Variants in CNNM4 observed in about 807,000 individuals in gnomAD.
CNNM4 encodes the protein metal transporter CNNM4.
A neutral mutation model predicts 53.7 loss-of-function variants in CNNM4; 32 were observed. The observed-to-expected ratio is 0.60, with a 90% CI of 0.45 to 0.80. The LOEUF (loss-of-function observed/expected upper bound fraction) is 0.80, where lower values mean the gene tolerates loss of function less well. Ranked by LOEUF, CNNM4 falls within the 30% of genes least tolerant of loss-of-function variation. The pLI is 0.00. For missense variants in CNNM4, 784 were observed against 1,022.0 expected (o/e 0.77, Z 3.17); for synonymous variants, 410 against 440.0 (o/e 0.93, Z 0.85).
Position 96,797,676 on chromosome 2 carries a change from G to A in CNNM4, c.1681+29G>A, listed in dbSNP as rs1019151584. The A allele has an allele frequency of 6.2e-6, 10 of 1,612,642 alleles. No individual in the cohort carries two copies. In the Admixed American group the frequency reaches 1.2e-4, roughly 19 times the overall value. Reference sequence around the variant, plus strand: ...GCATGAGGAGGACCTTCCGGTCTTGGTGGAAATACGGTCACGGGGGAGAAG... The same window carrying A: ...GCATGAGGAGGACCTTCCGGTCTTGATGGAAATACGGTCACGGGGGAGAAG... On this transcript the variant is annotated intron_variant, in intron 3 of 6. Transcript: ENST00000377075. The surrounding 1 kb of genome is among the most constrained non-coding windows in gnomAD (Gnocchi z 6.0).
intron 1 of CNNM4, among the ~76,000 whole-genome samples, chr2:96,772,723 A>T (rs1263677642): frequency 1.1e-5 from 1 of 95,140 alleles, no homozygotes; most frequent in African/African-American, 4.3e-5. Flanking sequence ...TCACACACAC[A>T]TGCGTGCACA....
chr2:96,761,472 G>A lies in CNNM4; in HGVS notation c.473G>A (p.Gly158Glu). Reference sequence around the variant, plus strand: ...CTGTGCACCCGGGCCCAGCCCGACGGGCCCTGGCTGAAGTGGACGGACAAG... The same window carrying A: ...CTGTGCACCCGGGCCCAGCCCGACGAGCCCTGGCTGAAGTGGACGGACAAG... ...YALCTRAQPD[G>E]PWLKWTDKDS... Residue 158 changes from glycine (G) to glutamate (E), a missense_variant, in exon 1 of 7, where the codon GGG (glycine) becomes GAG (glutamate). Coordinates refer to ENST00000377075, the MANE Select transcript of CNNM4 (RefSeq NM_020184.4). This position sits in a 1 kb window ranked among gnomAD's most constrained non-coding sequence, Gnocchi z 6.0. 6.2e-7 allele frequency: 1 copy of A among 1,614,130 alleles called. No individual in the cohort carries two copies. The highest frequency in any genetic ancestry group is 8.5e-7 in the Non-Finnish European group (1 of 1,180,018).
At chr2:96,806,533 A>ACACACACG (rs1553479683) in intron 5 of CNNM4, among the ~76,000 whole-genome samples, 6 of 138,514 alleles carry the variant, frequency 4.3e-5, no homozygotes, top group Non-Finnish European at 6.4e-5. Context: ...ACACACACAC[A>ACACACACG]CACGCGCGCG....
At position 96,799,220 on chromosome 2, in the gene CNNM4, C is replaced by T; in HGVS notation, c.1845C>T (p.Ile615=). The change falls in exon 4 of 7, where the codon ATC becomes ATT. Residue 615 remains isoleucine (I), a synonymous_variant. Transcript: ENST00000377075. The part of the protein sequence containing the change: ...RNKPADYFIL[I]LQGKVEVEAG... ...AGCCGGCCGACTACTTCATCCTCAT[C>T]CTGCAGGTGAGCCCGCTCAGCCCTG... 6.2e-7 allele frequency: 1 copy of T among 1,614,206 alleles called. No individual in the cohort carries two copies. Among genetic ancestry groups the T allele is most frequent in the South Asian group, 1.1e-5 (1 of 91,088 alleles).
intron 5 of CNNM4, among the ~76,000 whole-genome samples, chr2:96,804,440 C>T (rs932203493): frequency 2.0e-5 from 3 of 150,734 alleles, no homozygotes; most frequent in Non-Finnish European, 3.0e-5. Flanking sequence ...TTGACCCTGT[C>T]GCCCAGGCTG....
At chr2:96,779,508 CAAA>C (rs1178143077) in intron 1 of CNNM4, among the ~76,000 whole-genome samples, 5 of 62,050 alleles carry the variant, frequency 8.1e-5, no homozygotes, top group Admixed American at 2.0e-4. Context: ...GACCTCGTCT[CAAA>C]AAAAAAAAAA....
intron 5 of CNNM4, among the ~76,000 whole-genome samples, chr2:96,807,730 G>T (rs1203088936): frequency 6.6e-6 from 1 of 152,040 alleles, no homozygotes; most frequent in Non-Finnish European, 1.5e-5. Flanking sequence ...GTAAGACTCT[G>T]TCTCCAAAGA....
intron 5 of CNNM4, among the ~76,000 whole-genome samples, chr2:96,804,929 G>A (rs2079188504): frequency 1.3e-5 from 2 of 152,034 alleles, no homozygotes; most frequent in African/African-American, 4.8e-5. Context: ...GGCTGAGGCA[G>A]GAGGATCGCT....
chr2:96,785,959 C>T (rs555318559), intron 1 of CNNM4, among the ~76,000 whole-genome samples: 39 of 151,238 alleles, frequency 2.6e-4, no homozygotes, highest in African/African-American at 8.7e-4. Context: ...TGGTGGCGGG[C>T]GCCTATAGTC....
chr2:96,806,091 A>G (rs1231851630), intron 5 of CNNM4, among the ~76,000 whole-genome samples: 3 of 134,980 alleles, frequency 2.2e-5, no homozygotes, highest in South Asian at 2.2e-4. Context: ...ACCCCCCCCA[A>G]CCTCCCTCCC....
Position 96,761,565 on chromosome 2 carries a change from T to C in CNNM4, c.566T>C (p.Ile189Thr). Residue 189 changes from isoleucine to threonine, a missense_variant, in exon 1 of 7, where the codon ATT becomes ACT. Coordinates refer to ENST00000377075, the MANE Select transcript of CNNM4 (RefSeq NM_020184.4). The surrounding 1 kb of genome is among the most constrained non-coding windows in gnomAD (Gnocchi z 6.0). Reference sequence around the variant, plus strand: ...CCTCTCTGGCTGCACATTCTCCTAATTACGGTGCTGCTGGTGCTGTCGGGC... The same window carrying C: ...CCTCTCTGGCTGCACATTCTCCTAACTACGGTGCTGCTGGTGCTGTCGGGC... ...FLPLWLHILL[I>T]TVLLVLSGIF... The C allele has an allele frequency of 6.2e-7, 1 of 1,613,986 alleles. No homozygotes were observed. Among genetic ancestry groups the C allele is most frequent in the Non-Finnish European group, 8.5e-7 (1 of 1,179,946 alleles).
chr2:96,811,830 T>C lies in CNNM4; in HGVS notation c.*2313T>C, dbSNP rs1239083564. On this transcript the variant is annotated 3_prime_UTR_variant, in exon 7 of 7. Transcript: ENST00000377075. Reference sequence around the variant, plus strand: ...ACAATGATATTTGCTAAACGATATATGGAATTTATTTTTGATTGGTAATAA... The same window carrying C: ...ACAATGATATTTGCTAAACGATATACGGAATTTATTTTTGATTGGTAATAA... The C allele has an allele frequency of 6.5e-6, 1 of 152,790 alleles. No individual in the cohort carries two copies. The highest frequency in any genetic ancestry group is 1.5e-5 in the Non-Finnish European group (1 of 68,034). The allele number at this position is 152,790 out of a possible 1,614,324, so 9.5% of individuals were successfully genotyped here.
At position 96,761,644 on chromosome 2, in the gene CNNM4, C is replaced by G. The variant is rs2078764502; in HGVS notation, c.645C>G (p.Arg215=). The part of the protein sequence containing the change: ...GLMALDPMEL[R]IVQNCGTEKE... ...TGGCCCTGGACCCCATGGAGCTGCG[C>G]ATCGTGCAGAACTGTGGCACCGAGA... The change falls in exon 1 of 7, where the codon CGC becomes CGG. Residue 215 remains arginine (R), a synonymous_variant. Transcript: ENST00000377075. This position sits in a 1 kb window ranked among gnomAD's most constrained non-coding sequence, Gnocchi z 6.0. 1.2e-6 allele frequency: 2 copies of G among 1,613,432 alleles called. No individual in the cohort carries two copies. Among genetic ancestry groups the G allele is most frequent in the Non-Finnish European group, 1.7e-6 (2 of 1,180,026 alleles).
intron 1 of CNNM4, among the ~76,000 whole-genome samples, chr2:96,792,423 T>C (rs1038733424): frequency 1.3e-5 from 2 of 152,128 alleles, no homozygotes; most frequent in Non-Finnish European, 2.9e-5. Flanking sequence ...ATTCTTTCCA[T>C]CTTCGGCCTC....
chr2:96,768,692 G>A (rs766803643), intron 1 of CNNM4, among the ~76,000 whole-genome samples: 12 of 152,332 alleles, frequency 7.9e-5, no homozygotes, highest in African/African-American at 1.4e-4. Context: ...GGTGTGACCC[G>A]TTGCTGAGCT....
chr2:96,800,097 G>A lies in CNNM4; in HGVS notation c.1948+449G>A, dbSNP rs559624741. Reference sequence around the variant, plus strand: ...ATGGGTTTGGCTTTTCGGAGGACGCGGCTACTGGGTTTTGGTTAGAGGTCA... The same window carrying A: ...ATGGGTTTGGCTTTTCGGAGGACGCAGCTACTGGGTTTTGGTTAGAGGTCA... On this transcript the variant is annotated intron_variant, in intron 5 of 6. Coordinates refer to ENST00000377075, the MANE Select transcript of CNNM4 (RefSeq NM_020184.4). The surrounding 1 kb of genome is among the most constrained non-coding windows in gnomAD (Gnocchi z 4.6). Among the ~76,000 whole-genome samples the A allele has an allele frequency of 1.8e-4, 27 of 152,296 alleles. No homozygotes were observed. In the South Asian group the frequency reaches 5.0e-3, roughly 28 times the overall value.
intron 1 of CNNM4, among the ~76,000 whole-genome samples, chr2:96,780,338 C>T (rs142059823): frequency 2.6e-5 from 4 of 151,962 alleles, no homozygotes; most frequent in African/African-American, 7.2e-5. Context: ...TTAGTTCTGG[C>T]GCCAGCTGCC....
At chr2:96,791,598 A>C (rs1202340297) in intron 1 of CNNM4, among the ~76,000 whole-genome samples, 1 of 152,102 alleles carries the variant, frequency 6.6e-6, no homozygotes, top group Non-Finnish European at 1.5e-5. Context: ...CAAAAAAAAA[A>C]AAAAGAAAGA....
intron 1 of CNNM4, among the ~76,000 whole-genome samples, chr2:96,769,208 G>A (rs1304215456): frequency 6.6e-6 from 1 of 151,684 alleles, no homozygotes; most frequent in Non-Finnish European, 1.5e-5. Context: ...CCGAGATCGC[G>A]CCACTGCACT....
Sources: allele counts gnomAD v4.1 joint callset (sites outside exome capture counted in the v4.1 genomes callset), GRCh38; gene constraint gnomAD v4.1.1; non-coding constraint Gnocchi (gnomAD v3.1); transcripts MANE v1.5; gene names NCBI Gene and HGNC (gene_info 2026-07-23, HGNC 2026-07-21).